ADAMTS10: variants seen among roughly 807,000 people sequenced by gnomAD.
The protein encoded by ADAMTS10 is A disintegrin and metalloproteinase with thrombospondin motifs 10.
ADAMTS10 carries 48 observed loss-of-function variants against 135.9 expected under a neutral mutation model. The observed-to-expected ratio is 0.35, with a 90% confidence interval of 0.28 to 0.45. ADAMTS10 has a LOEUF of 0.45. Ranked by LOEUF, ADAMTS10 falls within the 20% of genes least tolerant of loss-of-function variation. The pLI is 1.00. For missense variants in ADAMTS10, 1,131 were observed against 1,565.2 expected (o/e 0.72, Z 4.68); for synonymous variants, 621 against 647.5 (o/e 0.96, Z 0.62).
intron 2 of ADAMTS10, among the ~76,000 whole-genome samples, chr19:8,607,762 C>A (rs1204635059): frequency 6.6e-6 from 1 of 152,060 alleles, no homozygotes; most frequent in African/African-American, 2.4e-5. Flanking sequence ...ACCCCTGTTG[C>A]ACTCTTTAGC....
chr19:8,592,723 A>T (rs2042555744), intron 13 of ADAMTS10, 40 bp downstream of exon 13: 1 of 1,577,898 alleles, frequency 6.3e-7, no homozygotes, highest in Admixed American at 1.8e-5. Context: ...GAGGTGGCTC[A>T]GGGGGCGTGG....
chr19:8,596,118 A>G lies in ADAMTS10; in HGVS notation c.1292T>C (p.Phe431Ser). The G allele has an allele frequency of 6.2e-7, 1 of 1,614,080 alleles. No individual in the cohort carries two copies. The highest frequency in any genetic ancestry group is 8.5e-7 in the Non-Finnish European group (1 of 1,180,004). Reference protein sequence around the residue: ...AAHITMKTNPFVWSSCSRDYI... With the variant: ...AAHITMKTNPSVWSSCSRDYI... ...GTCACGGCTGCAGGATGACCACACG[A>G]ATGGGTTGGTCTTCATGGTAATGTG... Residue 431 changes from phenylalanine (F) to serine (S), a missense_variant, in exon 11 of 26, where the codon TTC (phenylalanine) becomes TCC (serine). This residue lies in a region of ADAMTS10 where 745 missense variants were observed against 1,056.3 expected (regional missense o/e 0.71). Coordinates refer to ENST00000597188, the MANE Select transcript of ADAMTS10 (RefSeq NM_030957.4). The surrounding 1 kb of genome is among the most constrained non-coding windows in gnomAD (Gnocchi z 7.2).
rs373491651 is a variant in ADAMTS10, at chr19:8,596,607, G to C, written c.1041-22C>G. ...ATAGCTGTAAAAGGAGACAGGGTCA[G>C]TGAGGGGGCTGGGCTGTCTCCCTAA... On this transcript the variant is annotated intron_variant, in intron 8 of 25. Transcript: ENST00000597188. The surrounding 1 kb of genome is among the most constrained non-coding windows in gnomAD (Gnocchi z 7.2). 870 of 1,612,114 alleles carry C rather than the reference G, an allele frequency of 5.4e-4. 5 individuals are homozygous for C. The highest frequency in any genetic ancestry group is 4.8e-3 in the South Asian group (433 of 90,954).
At chr19:8,609,606 G>A (rs929288575) in intron 1 of ADAMTS10, among the ~76,000 whole-genome samples, 1 of 152,042 alleles carries the variant, frequency 6.6e-6, no homozygotes, top group Non-Finnish European at 1.5e-5. Flanking sequence ...GCAGACAAAG[G>A]CCCAGCCGGG....
intron 17 of ADAMTS10, 39 bp downstream of exon 17, chr19:8,589,411 GCT>G: frequency 2.0e-6 from 1 of 511,908 alleles, no homozygotes; most frequent in South Asian, 2.7e-5. Flanking sequence ...ACCCACCCCC[GCT>G]CCCCATCCCC....
intron 6 of ADAMTS10, among the ~76,000 whole-genome samples, 160 bp downstream of exon 6, chr19:8,600,768 G>C (rs557271376): frequency 6.6e-6 from 1 of 152,194 alleles, no homozygotes; most frequent in East Asian, 1.9e-4. Flanking sequence ...GAAGTGCTGG[G>C]ATTACAGGTG....
rs782080755 is a variant in ADAMTS10 at position 8,596,946 on chromosome 19, G to A, written c.1040+41C>T. 2 of 1,607,710 alleles carry A rather than the reference G, an allele frequency of 1.2e-6. No homozygotes were observed. Among genetic ancestry groups the A allele is most frequent in the Admixed American group, 1.7e-5 (1 of 59,984 alleles). On this transcript the variant is annotated intron_variant, in intron 8 of 25. Transcript: ENST00000597188. The surrounding 1 kb of genome is among the most constrained non-coding windows in gnomAD (Gnocchi z 7.2). ...ACTCTCATGGTTCCCTGGACCATCTGTTTTCTCAGCCCCAGTCCTAGACCT... is the reference window on the plus strand; with the variant it reads ...ACTCTCATGGTTCCCTGGACCATCTATTTTCTCAGCCCCAGTCCTAGACCT...
Position 8,580,781 on chromosome 19 carries a change from C to G in ADAMTS10, c.*112G>C. 1 of 812,836 alleles carries G rather than the reference C, an allele frequency of 1.2e-6. No individual in the cohort carries two copies. The highest frequency in any genetic ancestry group is 2.0e-6 in the Non-Finnish European group (1 of 504,218). The allele number at this position is 812,836 out of a possible 1,614,324, so 50.4% of individuals were successfully genotyped here. On this transcript the variant is annotated 3_prime_UTR_variant, in exon 26 of 26. Transcript: ENST00000597188. ...GTTCCCAATAAATAACTTCCGGCTC[C>G]GTCTCACCCTTCCCTCCCAGTTCCC...
chr19:8,600,731 C>T (rs2042659531), intron 6 of ADAMTS10, among the ~76,000 whole-genome samples, 197 bp downstream of exon 6: 1 of 152,126 alleles, frequency 6.6e-6, no homozygotes, highest in African/African-American at 2.4e-5. Flanking sequence ...ATCTCCTGAC[C>T]TTGTGATCTG....
chr19:8,604,871 G>T, intron 4 of ADAMTS10, 141 bp downstream of exon 4: 1 of 916,284 alleles, frequency 1.1e-6, no homozygotes, highest in East Asian at 2.6e-5. Flanking sequence ...TGCTTTAGCT[G>T]CATCCCCAAA....
intron 5 of ADAMTS10, among the ~76,000 whole-genome samples, chr19:8,603,464 G>A (rs1319274904): frequency 6.6e-6 from 1 of 152,086 alleles, no homozygotes; most frequent in Non-Finnish European, 1.5e-5. Flanking sequence ...AGTAGAGATG[G>A]GGTTTCGCCA....
intron 2 of ADAMTS10, among the ~76,000 whole-genome samples, chr19:8,607,034 G>A (rs1555742718): frequency 6.6e-6 from 1 of 152,156 alleles, no homozygotes; most frequent in Non-Finnish European, 1.5e-5. Context: ...GTTGGGTAGA[G>A]CCTGGCATGA....
intron 1 of ADAMTS10, among the ~76,000 whole-genome samples, chr19:8,609,427 A>G (rs1034260590): frequency 1.3e-5 from 2 of 151,728 alleles, no homozygotes; most frequent in Non-Finnish European, 2.9e-5. Flanking sequence ...TCCTGAAGGG[A>G]CCCTAAGCTC....
chr19:8,600,989 A>G lies in ADAMTS10; in HGVS notation c.749T>C (p.Met250Thr), dbSNP rs1600116450. Residue 250 changes from methionine (M) to threonine (T), a missense_variant, in exon 6 of 26, where the codon ATG becomes ACG. This residue lies in a region of ADAMTS10 where 80 missense variants were observed against 164.4 expected (regional missense o/e 0.49). Transcript: ENST00000597188. ...YVETLVVADK[M>T]MVAYHGRRDV... Reference sequence around the variant, plus strand: ...CCGGCGCCCGTGATAGGCCACCATCATCTTGTCAGCCACCACCAGGGTCTC... The same window carrying G: ...CCGGCGCCCGTGATAGGCCACCATCGTCTTGTCAGCCACCACCAGGGTCTC... 6.2e-7 allele frequency: 1 copy of G among 1,614,170 alleles called. No homozygotes were observed. The highest frequency in any genetic ancestry group is 8.5e-7 in the Non-Finnish European group (1 of 1,180,040).
intron 6 of ADAMTS10, among the ~76,000 whole-genome samples, chr19:8,600,687 A>G (rs371724342): frequency 5.3e-5 from 8 of 151,884 alleles, no homozygotes; most frequent in African/African-American, 9.7e-5. Context: ...TTTAGTAGAG[A>G]TGGGGTTTCA....
chr19:8,593,832 C>T (rs1555739671), intron 12 of ADAMTS10, among the ~76,000 whole-genome samples: 2 of 152,166 alleles, frequency 1.3e-5, no homozygotes, highest in African/African-American at 4.8e-5. Flanking sequence ...CTGTAATTAT[C>T]AAGTGTAATC....
At chr19:8,592,224 G>A in intron 13 of ADAMTS10, 121 bp from the exon 14 acceptor site, 3 of 1,540,208 alleles carry the variant, frequency 1.9e-6, no homozygotes, top group South Asian at 1.2e-5. Context: ...GGGCAGAGGC[G>A]GGGTCTGAAC....
intron 19 of ADAMTS10, 33 bp from the exon 20 acceptor site, chr19:8,586,754 C>G (rs371641614): frequency 5.4e-5 from 87 of 1,613,946 alleles, no homozygotes; most frequent in Admixed American, 8.3e-5. Context: ...GAATTCTAGT[C>G]ATGCTGAAAC....
At chr19:8,607,204 A>G (rs1053623843) in intron 2 of ADAMTS10, among the ~76,000 whole-genome samples, 1 of 152,178 alleles carries the variant, frequency 6.6e-6, no homozygotes, top group Non-Finnish European at 1.5e-5. Context: ...TGAAATGGGT[A>G]GCACCATTCA....
Sources: gnomAD v4.1 joint callset for allele counts (sites outside exome capture counted in the v4.1 genomes callset) on GRCh38, gnomAD v4.1.1 for gene constraint, gnomAD v4.1.1 regional missense constraint, Gnocchi (gnomAD v3.1) non-coding constraint, MANE v1.5 for transcripts, NCBI Gene and HGNC (gene_info 2026-07-23, HGNC 2026-07-21) for gene names.